Variants in DNAH5 observed in about 807,000 individuals in gnomAD.
DNAH5 encodes axonemal beta dynein heavy chain 5.
In DNAH5, 372 loss-of-function variants were observed where a neutral mutation model predicts 518.2. The ratio of observed to expected loss-of-function variants is 0.72; its 90% CI spans 0.66 to 0.78. The LOEUF (loss-of-function observed/expected upper bound fraction) is 0.78, where lower values mean the gene tolerates loss of function less well. Among genes scored for constraint, DNAH5 ranks in the 30% least tolerant of loss-of-function variants. The pLI is 0.00. For missense variants in DNAH5, 5,523 were observed against 5,687.0 expected (o/e 0.97, Z 0.93); for synonymous variants, 2,039 against 2,025.9 (o/e 1.01, Z -0.17).
At chr5:13,880,453 A>T (rs1771501219) in intron 21 of DNAH5, among the ~76,000 whole-genome samples, 1 of 152,110 alleles carries the variant, frequency 6.6e-6, no homozygotes, top group Non-Finnish European at 1.5e-5. Flanking sequence ...CCAGTAAAAA[A>T]GTTAAGAGGC....
intron 70 of DNAH5, among the ~76,000 whole-genome samples, chr5:13,725,910 C>A (rs912435218): frequency 3.3e-5 from 5 of 152,184 alleles, no homozygotes; most frequent in African/African-American, 1.2e-4. Flanking sequence ...CCTCAGCCTC[C>A]CAAAGTGCTG....
intron 1 of DNAH5, among the ~76,000 whole-genome samples, chr5:13,993,493 C>A (rs1212682984): frequency 6.6e-6 from 1 of 152,150 alleles, no homozygotes; most frequent in Admixed American, 6.6e-5. Context: ...TGTACTATTA[C>A]AAATATCACA....
chr5:13,724,788 C>T (rs1388447300), intron 70 of DNAH5, among the ~76,000 whole-genome samples: 1 of 152,174 alleles, frequency 6.6e-6, no homozygotes, highest in African/African-American at 2.4e-5. Flanking sequence ...CTTGCTCTGG[C>T]TCTCGCCATA....
chr5:13,967,215 A>G (rs770118688), intron 1 of DNAH5, among the ~76,000 whole-genome samples: 8 of 152,026 alleles, frequency 5.3e-5, no homozygotes, highest in Non-Finnish European at 4.4e-5. Flanking sequence ...TTTTTGTTGC[A>G]TTTGCTTTTG....
At chr5:13,783,071 G>A (rs368900188) in intron 52 of DNAH5, among the ~76,000 whole-genome samples, 6 of 152,250 alleles carry the variant, frequency 3.9e-5, no homozygotes, top group East Asian at 3.9e-4. Context: ...AAACATCCCC[G>A]CCTGGGTGAG....
intron 16 of DNAH5, 72 bp from the exon 17 acceptor site, chr5:13,891,193 G>A: frequency 2.7e-6 from 4 of 1,502,304 alleles, no homozygotes; most frequent in Non-Finnish European, 2.8e-6. Flanking sequence ...ATCAACACTT[G>A]ATTAAATGAC....
chr5:13,889,913 G>A (rs542180808), intron 17 of DNAH5, among the ~76,000 whole-genome samples: 3 of 152,222 alleles, frequency 2.0e-5, no homozygotes, highest in Non-Finnish European at 4.4e-5. Flanking sequence ...GGGTGGTCTT[G>A]GAGACCCCGG....
intron 21 of DNAH5, among the ~76,000 whole-genome samples, chr5:13,877,377 G>A: frequency 6.6e-6 from 1 of 152,192 alleles, no homozygotes; most frequent in East Asian, 1.9e-4. Flanking sequence ...AGCAACAATT[G>A]CTTAACTTCA....
intron 78 of DNAH5, among the ~76,000 whole-genome samples, chr5:13,698,263 A>G (rs1741630656): frequency 6.6e-6 from 1 of 152,220 alleles, no homozygotes; most frequent in Admixed American, 6.5e-5. Context: ...TGTTATAGCA[A>G]CAGAAAATGG....
rs376571738 is a variant in DNAH5 at position 14,000,189 on chromosome 5, G to A, written c.12+11459C>T. Among the ~76,000 whole-genome samples, 5 of 152,316 alleles carry A rather than the reference G, an allele frequency of 3.3e-5. No homozygotes were observed. In the South Asian group the frequency reaches 6.2e-4, roughly 19 times the overall value. On this transcript the variant is annotated intron_variant, in intron 1 of 78. Coordinates refer to the DNAH5 transcript ENST00000681290. ...TATCCAATCTGACTGGCGTCCTTCT[G>A]AAAAGAGGGAAGTTGGACAGAGACA...
At chr5:13,792,590 CG>C (rs1757173267) in intron 49 of DNAH5, among the ~76,000 whole-genome samples, 1 of 152,098 alleles carries the variant, frequency 6.6e-6, no homozygotes, top group South Asian at 2.1e-4. Context: ...TGCCTTTCCA[CG>C]CATTATAAAA....
intron 1 of DNAH5, among the ~76,000 whole-genome samples, chr5:13,994,136 TC>T (rs1783761378): frequency 6.6e-6 from 1 of 152,048 alleles, no homozygotes; most frequent in Non-Finnish European, 1.5e-5. Flanking sequence ...CTGCACTTCC[TC>T]CCGCACGCCT....
chr5:13,900,860 T>C (rs1433720019), intron 14 of DNAH5: 3 of 321,962 alleles, frequency 9.3e-6, no homozygotes, highest in South Asian at 6.6e-5. Context: ...TGGTAGGATA[T>C]GCTATGATTA....
At chr5:13,718,817 AT>A (rs1744649732) in intron 72 of DNAH5, 64 bp downstream of exon 72, 22 of 1,385,070 alleles carry the variant, frequency 1.6e-5, no homozygotes, top group Non-Finnish European at 2.1e-5. Flanking sequence ...TCCTTTTATA[AT>A]TTTTTTAGGA....
intron 1 of DNAH5, among the ~76,000 whole-genome samples, chr5:13,953,974 C>T (rs1780598470): frequency 6.6e-6 from 1 of 152,180 alleles, no homozygotes. Context: ...TCCCAAAGTG[C>T]TGGGATTACA....
intron 32 of DNAH5, among the ~76,000 whole-genome samples, chr5:13,842,508 A>AAG (rs1561408253): frequency 4.6e-5 from 4 of 87,718 alleles, no homozygotes; most frequent in African/African-American, 1.4e-4. Context: ...GAAAGAAAGA[A>AAG]AAAGAAAGAA....
chr5:13,927,441 A>G (rs1437210755), intron 3 of DNAH5, among the ~76,000 whole-genome samples: 1 of 152,110 alleles, frequency 6.6e-6, no homozygotes, highest in African/African-American at 2.4e-5. Flanking sequence ...CCCGGGAGGT[A>G]GAGGTTGCGG....
Position 13,827,069 on chromosome 5 carries a change from C to T in DNAH5, c.6444+2441G>A, listed in dbSNP as rs144728006. On this transcript the variant is annotated intron_variant, in intron 38 of 78. Transcript: ENST00000265104. ...AGGTCACTGTTGCTATACAAAGAGA[C>T]TGGCAGCATTTTGCCCCTGTCCCAG... 7.9e-5 allele frequency among the ~76,000 whole-genome samples: 12 copies of T among 152,306 alleles called. No homozygotes were observed. In the East Asian group the frequency reaches 2.3e-3, roughly 29 times the overall value.
intron 70 of DNAH5, 131 bp downstream of exon 70, chr5:13,727,376 G>T (rs1745891236): frequency 2.3e-6 from 2 of 857,340 alleles, no homozygotes; most frequent in Non-Finnish European, 3.6e-6. Flanking sequence ...CACACATATT[G>T]CTAGAAAATC....
Sources: allele counts gnomAD v4.1 joint callset (sites outside exome capture counted in the v4.1 genomes callset), GRCh38; gene constraint gnomAD v4.1.1; transcripts MANE v1.5; gene names NCBI Gene and HGNC (gene_info 2026-07-23, HGNC 2026-07-21).